Variants in USO1 observed in about 807,000 individuals in gnomAD.
USO1 encodes the protein USO1 vesicle transport factor, also known as general vesicular transport factor p115.
USO1 carries 57 observed loss-of-function variants against 124.5 expected under a neutral mutation model. That is an observed-to-expected ratio of 0.46 (90% CI 0.37 to 0.57). The LOEUF is 0.57. Among genes scored for constraint, USO1 ranks in the 20% least tolerant of loss-of-function variants. The pLI is 0.00. For synonymous variants in USO1, 369 were observed against 362.8 expected (o/e 1.02, Z -0.19); for missense variants, 900 against 1,040.6 (o/e 0.86, Z 1.86).
chr4:75,744,169 G>C (rs912041655), intron 1 of USO1, among the ~76,000 whole-genome samples: 1 of 152,086 alleles, frequency 6.6e-6, no homozygotes, highest in South Asian at 2.1e-4. Context: ...TCTGAAGTTA[G>C]TTTATTATAA....
At chr4:75,763,144 C>T (rs1381067128) in intron 4 of USO1, among the ~76,000 whole-genome samples, 1 of 152,022 alleles carries the variant, frequency 6.6e-6, no homozygotes, top group Non-Finnish European at 1.5e-5. Flanking sequence ...TTGTTTACAC[C>T]TCTGGAAAAA....
intron 1 of USO1, among the ~76,000 whole-genome samples, chr4:75,749,351 A>T (rs1721230506): frequency 6.6e-6 from 1 of 152,138 alleles, no homozygotes; most frequent in Admixed American, 6.6e-5. Flanking sequence ...GCATTGCCAA[A>T]ATCTTAATGT....
At chr4:75,737,761 T>C (rs571471956) in intron 1 of USO1, among the ~76,000 whole-genome samples, 13 of 152,278 alleles carry the variant, frequency 8.5e-5, no homozygotes, top group African/African-American at 3.1e-4. Context: ...TTAAAATTTA[T>C]TTTAAATGCT....
chr4:75,747,874 C>T (rs1215305318), intron 1 of USO1, among the ~76,000 whole-genome samples: 1 of 149,550 alleles, frequency 6.7e-6, no homozygotes, highest in Non-Finnish European at 1.5e-5. Flanking sequence ...CTCGGCCTCC[C>T]AGAGTGCTGA....
intron 13 of USO1, among the ~76,000 whole-genome samples, chr4:75,794,889 A>G (rs752525788): frequency 1.3e-5 from 2 of 152,198 alleles, no homozygotes; most frequent in Non-Finnish European, 2.9e-5. Flanking sequence ...TGTCTTTATC[A>G]CTTATCTCTT....
chr4:75,738,004 T>G (rs1289468723), intron 1 of USO1, among the ~76,000 whole-genome samples: 5 of 151,514 alleles, frequency 3.3e-5, no homozygotes, highest in Non-Finnish European at 5.9e-5. Context: ...ATTTTTCACT[T>G]TTGTATTTTT....
At chr4:75,758,320 C>A (rs1721501164) in intron 4 of USO1, among the ~76,000 whole-genome samples, 1 of 152,068 alleles carries the variant, frequency 6.6e-6, no homozygotes, top group South Asian at 2.1e-4. Flanking sequence ...GTAGATTTTT[C>A]ATTATTCTGT....
rs1377073414 is a variant in USO1, at chr4:75,806,538, C to G, written c.2342C>G (p.Ala781Gly). Residue 781 changes from alanine (A) to glycine (G), a missense_variant, in exon 20 of 24, where the codon GCT (alanine) becomes GGT (glycine). Transcript: ENST00000514213. ...GAACAGTCTTCAGCAATAGTTTCAG[C>G]TAGAGATTCTGAACAAGTTGCAGAA... ...TNEQSSAIVS[A>G]RDSEQVAELK... 6.4e-7 allele frequency: 1 copy of G among 1,560,710 alleles called. No individual in the cohort carries two copies. Among genetic ancestry groups the G allele is most frequent in the Non-Finnish European group, 8.7e-7 (1 of 1,151,304 alleles).
intron 3 of USO1, among the ~76,000 whole-genome samples, chr4:75,754,413 A>G (rs1721379424): frequency 6.6e-6 from 1 of 152,166 alleles, no homozygotes; most frequent in African/African-American, 2.4e-5. Context: ...TTTTATCTCC[A>G]TCTTTGGTTT....
chr4:75,795,831 ATAT>A (rs1278986094), intron 13 of USO1, among the ~76,000 whole-genome samples: 1 of 152,204 alleles, frequency 6.6e-6, no homozygotes, highest in Non-Finnish European at 1.5e-5. Flanking sequence ...TTTAAATGAA[ATAT>A]TATGGATTAT....
In USO1 at chr4:75,777,047, G is replaced by T. The variant is rs780783397; in HGVS notation, c.676+2251G>T. 4.9e-4 allele frequency among the ~76,000 whole-genome samples: 75 copies of T among 151,960 alleles called. 1 individual carries two copies. The highest frequency in any genetic ancestry group is 8.7e-4 in the Non-Finnish European group (59 of 67,968). ...ATATATCATGTAGGATTTGCATTTT[G>T]TTTTCTTTAAAATAGATTGCAGGAT... On this transcript the variant is annotated intron_variant, in intron 8 of 23. Transcript: ENST00000514213.
At chr4:75,804,451 C>A (rs969106487) in intron 18 of USO1, among the ~76,000 whole-genome samples, 179 bp downstream of exon 18, 4 of 152,094 alleles carry the variant, frequency 2.6e-5, no homozygotes, top group African/African-American at 9.7e-5. Flanking sequence ...TAAGACTGGA[C>A]CTTTAGAGAT....
intron 1 of USO1, chr4:75,729,872 AG>A (rs1354125349): frequency 1.1e-4 from 37 of 348,026 alleles, no homozygotes; most frequent in Non-Finnish European, 1.7e-4. Context: ...ATATAAACAC[AG>A]CCATATTTTC....
rs369078818 is a variant in USO1 at position 75,804,173 on chromosome 4, T to C, written c.2026T>C (p.Leu676=). The C allele has an allele frequency of 6.2e-7, 1 of 1,613,604 alleles. No homozygotes were observed. The change falls in exon 18 of 24, where the codon TTA becomes CTA. Residue 676 remains leucine (L), a synonymous_variant. Transcript: ENST00000514213. ...LEELRQQVST[L]KCQNEQLQTA... ...GGAATTAAGGCAGCAGGTTTCTACA[T>C]TAAAATGTCAAAATGAACAGCTCCA...
intron 21 of USO1, 100 bp downstream of exon 21, chr4:75,809,151 CT>C (rs1387650860): frequency 7.4e-7 from 1 of 1,345,540 alleles, no homozygotes; most frequent in African/African-American, 1.6e-5. Context: ...CAGATAGCAC[CT>C]TCTCTTTAGA....
intron 4 of USO1, among the ~76,000 whole-genome samples, chr4:75,764,617 GT>G (rs1039267648): frequency 5.3e-5 from 8 of 151,730 alleles, no homozygotes; most frequent in East Asian, 1.9e-4. Flanking sequence ...TCTATATGTG[GT>G]TTTTTTTCTT....
intron 13 of USO1, among the ~76,000 whole-genome samples, chr4:75,795,663 G>A (rs552747107): frequency 6.6e-6 from 1 of 152,124 alleles, no homozygotes; most frequent in South Asian, 2.1e-4. Flanking sequence ...CTCCAAGCTT[G>A]CCTATTTATT....
intron 1 of USO1, among the ~76,000 whole-genome samples, chr4:75,749,485 CT>C (rs782011704): frequency 1 from 150,626 of 150,872 alleles, 75,190 homozygotes; most frequent in East Asian, 1. Flanking sequence ...GCTGCAACCT[CT>C]TAACTTCTGA....
intron 4 of USO1, among the ~76,000 whole-genome samples, chr4:75,760,212 A>AAAAAT (rs1437393413): frequency 6.6e-6 from 1 of 152,206 alleles, no homozygotes; most frequent in Non-Finnish European, 1.5e-5. Flanking sequence ...ACTCTGTCTC[A>AAAAAT]AAAATAAAAT....
Sources: allele counts gnomAD v4.1 joint callset (sites outside exome capture counted in the v4.1 genomes callset), GRCh38; gene constraint gnomAD v4.1.1; transcripts MANE v1.5; gene names NCBI Gene and HGNC (gene_info 2026-07-23, HGNC 2026-07-21).